PCDHA5: variants seen among roughly 807,000 people sequenced by gnomAD.
PCDHA5 encodes the protein protocadherin alpha 5.
In PCDHA5, 43 loss-of-function variants were observed where a neutral mutation model predicts 61.6. That is an observed-to-expected ratio of 0.70 (90% CI 0.55 to 0.90). The LOEUF is 0.90. Ranked by LOEUF, PCDHA5 falls within the 40% of genes least tolerant of loss-of-function variation. The probability of loss-of-function intolerance (pLI) is 0.00; values close to 1 mark genes in which losing one functional copy is unlikely to be tolerated. For missense variants in PCDHA5, 1,298 were observed against 1,222.7 expected, an observed-to-expected ratio of 1.06 and a Z score of -0.92; for synonymous variants, 627 against 543.9, an observed-to-expected ratio of 1.15 and a Z score of -2.13.
chr5:140,909,411 CATTTGG>C (rs2074480921), intron 1 of PCDHA5, among the ~76,000 whole-genome samples: 2 of 152,142 alleles, frequency 1.3e-5, no homozygotes, highest in African/African-American at 4.8e-5. Flanking sequence ...TTGCAGTTAC[CATTTGG>C]TTAAACTTAT....
intron 1 of PCDHA5, among the ~76,000 whole-genome samples, chr5:140,873,282 T>C (rs961755772): frequency 2.6e-4 from 39 of 152,330 alleles, no homozygotes; most frequent in African/African-American, 8.7e-4. Context: ...TCATACCACT[T>C]ATGAAACTTT....
At position 140,992,285 on chromosome 5, in the gene PCDHA5, A is replaced by G. The variant is rs114469876; in HGVS notation, c.2500+9722A>G. On this transcript the variant is annotated intron_variant, in intron 3 of 3. Transcript: ENST00000529859. ...AGTTCTTTTCGTAGCACATCCCTGCAAAGGATGGGAGTATTGTTTTGGTGG... is the reference window on the plus strand; with the variant it reads ...AGTTCTTTTCGTAGCACATCCCTGCGAAGGATGGGAGTATTGTTTTGGTGG... 2.6e-3 allele frequency among the ~76,000 whole-genome samples: 395 copies of G among 152,336 alleles called. 1 individual carries two copies. The highest frequency in any genetic ancestry group is 8.7e-3 in the African/African-American group (360 of 41,578).
intron 1 of PCDHA5, among the ~76,000 whole-genome samples, chr5:140,924,152 C>T (rs1163487854): frequency 6.6e-6 from 1 of 152,176 alleles, no homozygotes; most frequent in African/African-American, 2.4e-5. Context: ...TGAAGAAATG[C>T]ACATCCTAAT....
intron 1 of PCDHA5, chr5:140,967,146 AC>A: frequency 6.2e-7 from 1 of 1,610,972 alleles, no homozygotes; most frequent in Non-Finnish European, 8.5e-7. Context: ...CTGGCGCACA[AC>A]CCCGTGGCGG....
chr5:140,926,629 G>C, intron 1 of PCDHA5: 1 of 406,364 alleles, frequency 2.5e-6, no homozygotes, highest in Non-Finnish European at 4.2e-6. Flanking sequence ...GCGGCGCTGC[G>C]CTCCTCAACA....
intron 3 of PCDHA5, among the ~76,000 whole-genome samples, chr5:141,000,387 CTCTCTCTCTATATA>C (rs1446529556): frequency 4.5e-4 from 30 of 66,870 alleles, no homozygotes; most frequent in African/African-American, 1.4e-3. Flanking sequence ...CTCTCTCTCT[CTCTCTCTCTATATA>C]TATATATATA....
intron 1 of PCDHA5, among the ~76,000 whole-genome samples, chr5:140,955,453 C>T (rs1372474602): frequency 6.6e-6 from 1 of 152,012 alleles, no homozygotes; most frequent in Admixed American, 6.6e-5. Context: ...TTTATAAGGG[C>T]TTTTTCCTTT....
At chr5:140,892,945 T>C (rs1554185456) in intron 1 of PCDHA5, among the ~76,000 whole-genome samples, 3 of 152,336 alleles carry the variant, frequency 2.0e-5, no homozygotes, top group South Asian at 2.1e-4. Flanking sequence ...AGCACAATAC[T>C]ACTTCCATGA....
At chr5:140,955,126 G>T (rs947007538) in intron 1 of PCDHA5, among the ~76,000 whole-genome samples, 6 of 152,110 alleles carry the variant, frequency 3.9e-5, no homozygotes, top group African/African-American at 1.4e-4. Flanking sequence ...CTGTTCCACT[G>T]GTCTACACGT....
intron 2 of PCDHA5, 83 bp from the exon 3 acceptor site, chr5:140,982,392 T>C: frequency 6.3e-7 from 1 of 1,598,158 alleles, no homozygotes. Context: ...GGCTTCATAG[T>C]TGTAAGCAAT....
chr5:140,904,047 A>C (rs1554191240), intron 1 of PCDHA5, among the ~76,000 whole-genome samples: 1 of 152,164 alleles, frequency 6.6e-6, no homozygotes, highest in Admixed American at 6.6e-5. Flanking sequence ...TAATTTTTTT[A>C]TTTCAATGGG....
intron 3 of PCDHA5, among the ~76,000 whole-genome samples, chr5:140,998,364 C>T (rs2097808386): frequency 6.6e-6 from 1 of 152,192 alleles, no homozygotes; most frequent in South Asian, 2.1e-4. Flanking sequence ...AACCACTGCA[C>T]ACACCGTCTC....
At chr5:140,829,220 C>G (rs149405425) in intron 1 of PCDHA5, 22 of 1,614,108 alleles carry the variant, frequency 1.4e-5, no homozygotes, top group Non-Finnish European at 1.8e-5. Flanking sequence ...CGTGAACGAC[C>G]TCGATTCAGG....
At chr5:140,968,231 T>A in intron 1 of PCDHA5, 1 of 1,614,032 alleles carries the variant, frequency 6.2e-7, no homozygotes. Context: ...TGTGTTGCTC[T>A]GTACTGTGCA....
At chr5:140,979,922 A>T (rs1317860679) in intron 2 of PCDHA5, among the ~76,000 whole-genome samples, 1 of 152,276 alleles carries the variant, frequency 6.6e-6, no homozygotes, top group Non-Finnish European at 1.5e-5. Flanking sequence ...GAGAAAGCCT[A>T]CAAAGTATGT....
At chr5:140,895,968 G>A (rs190056652) in intron 1 of PCDHA5, among the ~76,000 whole-genome samples, 2 of 151,938 alleles carry the variant, frequency 1.3e-5, no homozygotes, top group African/African-American at 2.4e-5. Context: ...CTGTCACCAG[G>A]CCTAGCTAAT....
chr5:141,007,256 G>A (rs1412168610), intron 3 of PCDHA5, among the ~76,000 whole-genome samples: 1 of 152,034 alleles, frequency 6.6e-6, no homozygotes, highest in Non-Finnish European at 1.5e-5. Flanking sequence ...CAAGTTAAAA[G>A]AAGCAGATAC....
chr5:140,867,119 A>C (rs2049767402), intron 1 of PCDHA5: 1 of 152,142 alleles, frequency 6.6e-6, no homozygotes, highest in Admixed American at 6.5e-5. Context: ...ATATTGTTTT[A>C]ATTCAAATAT....
intron 1 of PCDHA5, chr5:140,882,358 G>T (rs1554173779): frequency 3.7e-6 from 6 of 1,614,232 alleles, no homozygotes; most frequent in Middle Eastern, 1.7e-4. Flanking sequence ...GTAGTGGCCA[G>T]CTCCACTACT....
Sources: gnomAD v4.1 joint callset for allele counts (sites outside exome capture counted in the v4.1 genomes callset) on GRCh38, gnomAD v4.1.1 for gene constraint, MANE v1.5 for transcripts, NCBI Gene and HGNC (gene_info 2026-07-23, HGNC 2026-07-21) for gene names.